Variants in CDH6 observed in about 807,000 individuals in gnomAD.
The protein encoded by CDH6 is cadherin-6.
In CDH6, 31 loss-of-function variants were observed where a neutral mutation model predicts 78.0. That is an observed-to-expected ratio of 0.40 (90% confidence interval 0.30 to 0.54). The LOEUF is 0.54. Ranked by LOEUF, CDH6 falls within the 20% of genes least tolerant of loss-of-function variation. The pLI is 0.56. For missense variants in CDH6, 724 were observed against 975.9 expected (o/e 0.74, Z 3.44); for synonymous variants, 376 against 368.8 (o/e 1.02, Z -0.23).
In CDH6 at chr5:31,280,710, A is replaced by G. The variant is rs2149940186; in HGVS notation, c.228+13009A>G. Among the ~76,000 whole-genome samples the G allele has an allele frequency of 1.3e-5, 2 of 152,210 alleles. 1 individual carries two copies. Among genetic ancestry groups the G allele is most frequent in the Middle Eastern group, 6.8e-3 (2 of 294 alleles). On this transcript the variant is annotated intron_variant, in intron 2 of 11. Coordinates refer to ENST00000265071, the MANE Select transcript of CDH6 (RefSeq NM_004932.4). The stretch of plus-strand genomic sequence containing the variant: ...CCAGCGGGGTCGTCAGATAGTATGA[A>G]TTTCTCTTTGCTAATGTTTCAGTTG...
intron 2 of CDH6, among the ~76,000 whole-genome samples, chr5:31,276,451 TA>T (rs954981109): frequency 1.3e-5 from 2 of 152,124 alleles, no homozygotes; most frequent in African/African-American, 4.8e-5. Context: ...TATATACATA[TA>T]AAAATATGAA....
chr5:31,323,169 C>T lies in CDH6; in HGVS notation c.2234C>T (p.Ser745Phe). The T allele has an allele frequency of 6.2e-7, 1 of 1,614,134 alleles. No homozygotes were observed. The highest frequency in any genetic ancestry group is 8.5e-7 in the Non-Finnish European group (1 of 1,180,018). ...LATYAYEGTG[S>F]VADSLSSLES... ...ACTTACGCCTATGAAGGCACTGGCT[C>T]CGTGGCGGATTCCCTGAGCTCGCTG... The change falls in exon 12 of 12, where the codon TCC becomes TTC. Residue 745 changes from serine (S) to phenylalanine (F), a missense_variant. By Grantham distance (155) the Ser-to-Phe change is radical. Coordinates refer to ENST00000265071, the MANE Select transcript of CDH6 (RefSeq NM_004932.4).
intron 1 of CDH6, among the ~76,000 whole-genome samples, chr5:31,210,050 C>A (rs1171762481): frequency 6.7e-6 from 1 of 149,862 alleles, no homozygotes; most frequent in Non-Finnish European, 1.5e-5. Context: ...AATAAAGACC[C>A]ATTCTTGGGA....
At chr5:31,218,859 C>T (rs1393780797) in intron 1 of CDH6, among the ~76,000 whole-genome samples, 3 of 152,152 alleles carry the variant, frequency 2.0e-5, no homozygotes, top group African/African-American at 4.8e-5. Context: ...ACAGCACTAA[C>T]CCACTCTCAT....
intron 5 of CDH6, among the ~76,000 whole-genome samples, chr5:31,300,398 A>G (rs1311302117): frequency 1.3e-5 from 2 of 152,224 alleles, no homozygotes; most frequent in Admixed American, 1.3e-4. Context: ...TAAAAAAACT[A>G]ATCAGCTGAT....
chr5:31,289,032 C>A (rs1168579523), intron 2 of CDH6, among the ~76,000 whole-genome samples: 2 of 152,022 alleles, frequency 1.3e-5, no homozygotes, highest in African/African-American at 4.8e-5. Flanking sequence ...GTGAGTATTA[C>A]ACGTGTAATG....
chr5:31,204,402 G>T (rs918363583), intron 1 of CDH6, among the ~76,000 whole-genome samples: 1 of 152,138 alleles, frequency 6.6e-6, no homozygotes, highest in Non-Finnish European at 1.5e-5. Flanking sequence ...TAGGGAGGAC[G>T]GGTACTTTAT....
At chr5:31,299,109 C>T (rs572992511) in intron 4 of CDH6, among the ~76,000 whole-genome samples, 3 of 152,164 alleles carry the variant, frequency 2.0e-5, no homozygotes, top group African/African-American at 7.2e-5. Flanking sequence ...CTTTATACCA[C>T]AAGCCATTTT....
At chr5:31,295,110 C>A (rs1026219311) in intron 3 of CDH6, among the ~76,000 whole-genome samples, 1 of 152,144 alleles carries the variant, frequency 6.6e-6, no homozygotes, top group African/African-American at 2.4e-5. Flanking sequence ...AGATCCAAGA[C>A]ATAGAAAATA....
At chr5:31,317,271 T>C in intron 9 of CDH6, 104 bp from the exon 10 acceptor site, 1 of 662,864 alleles carries the variant, frequency 1.5e-6, no homozygotes, top group Admixed American at 2.5e-5. Context: ...ATCATTTTTA[T>C]AATTAAATTT....
In CDH6 at chr5:31,299,590, C is replaced by T. The variant is rs1184913833; in HGVS notation, c.770C>T (p.Thr257Ile). 6.2e-7 allele frequency: 1 copy of T among 1,613,790 alleles called. No individual in the cohort carries two copies. Among genetic ancestry groups the T allele is most frequent in the African/African-American group, 1.3e-5 (1 of 75,032 alleles). The change falls in exon 5 of 12, where the codon ACA becomes ATA. Residue 257 changes from threonine (T) to isoleucine (I), a missense_variant. Around this residue, in one of 3 missense-constraint regions of CDH6, gnomAD observed 446 missense variants for 684.5 expected, o/e 0.65. Transcript: ENST00000265071. ...TCTGGGACCACCACCGTGAACATCACACTGACTGATGTCAACGACAACCCT... is the reference window on the plus strand; with the variant it reads ...TCTGGGACCACCACCGTGAACATCATACTGACTGATGTCAACGACAACCCT... ...GLSGTTTVNI[T>I]LTDVNDNPPR...
At position 31,195,446 on chromosome 5, in the gene CDH6, G is replaced by A. The variant is rs188008838; in HGVS notation, c.-129+1560G>A. On this transcript the variant is annotated intron_variant, in intron 1 of 11. Transcript: ENST00000265071. ...TATTTCCTTTCTTTTCTTGCTGAAAGCTTTACCTGAAAAGGAAAACCCTTA... is the reference window on the plus strand; with the variant it reads ...TATTTCCTTTCTTTTCTTGCTGAAAACTTTACCTGAAAAGGAAAACCCTTA... Among the ~76,000 whole-genome samples the A allele has an allele frequency of 2.0e-5, 3 of 152,292 alleles. No homozygotes were observed. The East Asian group carries it at 5.8e-4, about 29-fold the overall frequency.
At chr5:31,317,971 A>C in intron 11 of CDH6, 47 bp downstream of exon 11, 1 of 1,599,134 alleles carries the variant, frequency 6.3e-7, no homozygotes, top group Non-Finnish European at 8.5e-7. Flanking sequence ...TGAGGGGCTC[A>C]CACTGTTACT....
intron 2 of CDH6, among the ~76,000 whole-genome samples, chr5:31,284,907 C>T (rs928501527): frequency 4.6e-5 from 7 of 152,194 alleles, no homozygotes; most frequent in Non-Finnish European, 7.3e-5. Context: ...GATGTCATCT[C>T]GGACTGGATC....
At chr5:31,265,989 G>C (rs1046623549) in intron 1 of CDH6, among the ~76,000 whole-genome samples, 1 of 151,734 alleles carries the variant, frequency 6.6e-6, no homozygotes, top group Non-Finnish European at 1.5e-5. Context: ...TGTTAGCCAG[G>C]ATGGTCTCGA....
chr5:31,312,724 C>G (rs954212475), intron 7 of CDH6, among the ~76,000 whole-genome samples: 1 of 151,850 alleles, frequency 6.6e-6, no homozygotes, highest in African/African-American at 2.4e-5. Flanking sequence ...ACAAAAAAAC[C>G]CTTGGGTAGA....
chr5:31,328,914 G>A lies in CDH6; in HGVS notation c.*5606G>A, dbSNP rs567042435. 3.2e-5 allele frequency: 7 copies of A among 221,066 alleles called. No homozygotes were observed. Among genetic ancestry groups the A allele is most frequent in the South Asian group, 1.8e-4 (1 of 5,442 alleles). 13.7% of individuals were successfully genotyped at this position (221,066 alleles called of 1,614,324 possible). A position where few individuals can be genotyped will look rare whatever the true frequency, so the allele number is the denominator to read the frequency against. On this transcript the variant is annotated 3_prime_UTR_variant, in exon 12 of 12. Transcript: ENST00000265071. ...TTTTCTGTGTTAGAAGAATGGGGTC[G>A]AGAGTATTACCTTTTAGCTCAGTGT... is the stretch of plus-strand genomic sequence containing the variant.
rs138809586 is a variant in CDH6 at position 31,246,623 on chromosome 5, C to T, written c.-128-20723C>T. Among the ~76,000 whole-genome samples, 1,023 of 152,338 alleles carry T rather than the reference C, an allele frequency of 6.7e-3. 10 individuals carry two copies. Among genetic ancestry groups the T allele is most frequent in the South Asian group, 0.032 (153 of 4,824 alleles). On this transcript the variant is annotated intron_variant, in intron 1 of 11. Transcript: ENST00000265071. ...AGGTGACCCTAGAGCATCAGATTTA[C>T]AAACTTTGAGGGGCAAACATGATTT... is the stretch of plus-strand genomic sequence containing the variant.
intron 1 of CDH6, among the ~76,000 whole-genome samples, chr5:31,234,975 T>C (rs1741411876): frequency 6.6e-6 from 1 of 152,174 alleles, no homozygotes; most frequent in Admixed American, 6.5e-5. Context: ...TCCACAAGTG[T>C]GTAATATGAA....
Sources: allele counts gnomAD v4.1 joint callset (sites outside exome capture counted in the v4.1 genomes callset), GRCh38; gene constraint gnomAD v4.1.1; regional missense constraint gnomAD v4.1.1; transcripts MANE v1.5; gene names NCBI Gene and HGNC (gene_info 2026-07-23, HGNC 2026-07-21).